TIA1: variants seen among roughly 807,000 people sequenced by gnomAD.
TIA1 encodes TIA1 cytotoxic granule associated RNA binding protein.
A neutral mutation model predicts 65.9 loss-of-function variants in TIA1; 23 were observed. The observed-to-expected ratio is 0.35, with a 90% CI of 0.25 to 0.49. TIA1 has a LOEUF of 0.49. TIA1 is among the 20% of genes least tolerant of loss of function. TIA1 has a pLI of 0.98. For synonymous variants in TIA1, 147 were observed against 149.4 expected, an observed-to-expected ratio of 0.98 and a Z score of 0.12; for missense variants, 371 against 477.9, an observed-to-expected ratio of 0.78 and a Z score of 2.09.
intron 1 of TIA1, among the ~76,000 whole-genome samples, chr2:70,247,074 G>C (rs1426928716): frequency 1.3e-5 from 2 of 152,158 alleles, no homozygotes; most frequent in African/African-American, 4.8e-5. Context: ...AGGCAAGAGG[G>C]AAGAGATTCC....
At chr2:70,234,840 G>T (rs1001297770) in intron 2 of TIA1, among the ~76,000 whole-genome samples, 2 of 152,026 alleles carry the variant, frequency 1.3e-5, no homozygotes, top group African/African-American at 4.8e-5. Context: ...GATTACAGGT[G>T]TGAGCCACTG....
chr2:70,240,920 A>C (rs1011463184), intron 1 of TIA1, among the ~76,000 whole-genome samples: 2 of 152,262 alleles, frequency 1.3e-5, no homozygotes, highest in East Asian at 3.9e-4. Flanking sequence ...CTGACAACCA[A>C]ATACAATCAA....
rs116314409 is a variant in TIA1, at chr2:70,226,280, C to T, written c.398+1455G>A. On this transcript the variant is annotated intron_variant, in intron 6 of 12. Transcript: ENST00000433529. ...TTGTAAATCATGAAATTGCTAAAAT[C>T]TGAAGGTCACTTAACTTAAACTCAC... Among the ~76,000 whole-genome samples the T allele has an allele frequency of 4.3e-3, 651 of 152,038 alleles. 4 individuals carry two copies. Among genetic ancestry groups the T allele is most frequent in the Non-Finnish European group, 7.3e-3 (493 of 67,928 alleles).
chr2:70,209,729 A>T lies in TIA1; in HGVS notation c.*2990T>A. 2.5e-6 allele frequency: 1 copy of T among 398,176 alleles called. No homozygotes were observed. The highest frequency in any genetic ancestry group is 4.4e-6 in the Non-Finnish European group (1 of 225,894). 24.7% of individuals were successfully genotyped at this position (398,176 alleles called of 1,614,324 possible). On this transcript the variant is annotated 3_prime_UTR_variant, in exon 13 of 13. Transcript: ENST00000433529. Reference sequence around the variant, plus strand: ...AACATTATTTGAGAGAAAAAAACTGATTTTTTTTAAAGAAATCATCACTCT... The same window carrying T: ...AACATTATTTGAGAGAAAAAAACTGTTTTTTTTTAAAGAAATCATCACTCT...
chr2:70,231,857 T>C (rs1183508705), intron 2 of TIA1, among the ~76,000 whole-genome samples: 4 of 152,218 alleles, frequency 2.6e-5, no homozygotes, highest in African/African-American at 9.6e-5. Context: ...GAATAAGTTT[T>C]AGAATGTGAA....
chr2:70,229,150 T>C, intron 4 of TIA1, 59 bp from the exon 5 acceptor site: 1 of 1,607,856 alleles, frequency 6.2e-7, no homozygotes, highest in East Asian at 2.2e-5. Flanking sequence ...TTCAATCATA[T>C]CTTAGGATAA....
chr2:70,247,269 T>C (rs889959220), intron 1 of TIA1, among the ~76,000 whole-genome samples: 1 of 152,134 alleles, frequency 6.6e-6, no homozygotes. Context: ...AGAAAACAAG[T>C]GTAACCACAT....
rs570116600 is a variant in TIA1, at chr2:70,228,733, AG to A, written c.310+325del. 3.5e-5 allele frequency: 34 copies of A among 985,432 alleles called. No homozygotes were observed. The East Asian group carries it at 3.4e-3, about 99-fold the overall frequency. The allele number at this position is 985,432 out of a possible 1,614,324, so 61.0% of individuals were successfully genotyped here. On this transcript the variant is annotated intron_variant, in intron 5 of 12. Transcript: ENST00000433529. The stretch of plus-strand genomic sequence containing the variant: ...ATTGCTCTTTGGGAAACAAAATTTG[AG>A]GAGCAACTCAAGCATTTGGAAGATC...
chr2:70,233,544 G>A (rs764263390), intron 2 of TIA1, among the ~76,000 whole-genome samples: 9 of 152,036 alleles, frequency 5.9e-5, no homozygotes, highest in African/African-American at 1.9e-4. Flanking sequence ...TGGGGTGGGC[G>A]GATCATGACA....
At chr2:70,217,840 T>TA (rs1407575091) in intron 7 of TIA1, among the ~76,000 whole-genome samples, 1 of 152,182 alleles carries the variant, frequency 6.6e-6, no homozygotes, top group Non-Finnish European at 1.5e-5. Flanking sequence ...TTGGGAACAT[T>TA]AATCATCTGA....
At chr2:70,237,219 T>C (rs1023753985) in intron 1 of TIA1, among the ~76,000 whole-genome samples, 1 of 151,518 alleles carries the variant, frequency 6.6e-6, no homozygotes, top group African/African-American at 2.4e-5. Context: ...CTGGTAAACA[T>C]GGTGAAACCC....
chr2:70,225,945 T>C (rs1272466471), intron 6 of TIA1, among the ~76,000 whole-genome samples: 1 of 152,128 alleles, frequency 6.6e-6, no homozygotes, highest in African/African-American at 2.4e-5. Flanking sequence ...GCACTGATAT[T>C]TGCACTTTTT....
chr2:70,223,198 T>A (rs1261222453), intron 7 of TIA1, among the ~76,000 whole-genome samples: 1 of 152,150 alleles, frequency 6.6e-6, no homozygotes, highest in African/African-American at 2.4e-5. Flanking sequence ...TATGAATCAA[T>A]CCTCTAAGGA....
In TIA1 at chr2:70,210,489, G is replaced by A. The variant is rs1676210341; in HGVS notation, c.*2230C>T. On this transcript the variant is annotated 3_prime_UTR_variant, in exon 13 of 13. Coordinates refer to ENST00000433529, the MANE Select transcript of TIA1 (RefSeq NM_022173.4). ...TTCAGTAGTAACCTTTTCATCATGAGTACTGATACCACTTTCTTCTCAGAA... is the reference window on the plus strand; with the variant it reads ...TTCAGTAGTAACCTTTTCATCATGAATACTGATACCACTTTCTTCTCAGAA... 6.6e-6 allele frequency: 1 copy of A among 152,160 alleles called. No individual in the cohort carries two copies. Among genetic ancestry groups the A allele is most frequent in the Non-Finnish European group, 1.5e-5 (1 of 68,018 alleles). 9.4% of individuals were successfully genotyped at this position (152,160 alleles called of 1,614,324 possible).
At chr2:70,219,446 A>G (rs1174336606) in intron 7 of TIA1, among the ~76,000 whole-genome samples, 1 of 152,206 alleles carries the variant, frequency 6.6e-6, no homozygotes, top group Non-Finnish European at 1.5e-5. Flanking sequence ...TACTGAAGGA[A>G]CAGGCAAATT....
chr2:70,215,407 G>C lies in TIA1; in HGVS notation c.852C>G (p.Gly284=), dbSNP rs1678146234. The change falls in exon 11 of 13, where the codon GGC becomes GGG. Residue 284 remains glycine (G), a synonymous_variant. Transcript: ENST00000433529. ...GATTTATCATATCAAGAGTTTCTTTGCCCCAATAGCATTTCACAACATGAC... is the reference window on the plus strand; with the variant it reads ...GATTTATCATATCAAGAGTTTCTTTCCCCCAATAGCATTTCACAACATGAC... ...IEGHVVKCYW[G]KETLDMINPV... The C allele has an allele frequency of 6.2e-7, 1 of 1,613,924 alleles. No individual in the cohort carries two copies.
Position 70,248,540 on chromosome 2 carries a change from A to C in TIA1, c.-110T>G. 6.5e-7 allele frequency: 1 copy of C among 1,533,350 alleles called. No homozygotes were observed. Among genetic ancestry groups the C allele is most frequent in the Non-Finnish European group, 8.9e-7 (1 of 1,127,266 alleles). The allele number at this position is 1,533,350 out of a possible 1,614,324, so 95.0% of individuals were successfully genotyped here. A position where few individuals can be genotyped will look rare whatever the true frequency, so the allele number is the denominator to read the frequency against. On this transcript the variant is annotated 5_prime_UTR_variant, in exon 1 of 13. Transcript: ENST00000433529. ...GGATAGTGGGGTTTCTCGGCTGACC[A>C]GAGGTTACTCCGCCTCCTCCTCCGG...
In TIA1 at chr2:70,212,776, G is replaced by A. The variant is rs1676814311; in HGVS notation, c.1104C>T (p.Gly368=). The A allele has an allele frequency of 1.2e-6, 2 of 1,614,086 alleles. No individual in the cohort carries two copies. The highest frequency in any genetic ancestry group is 1.7e-6 in the Non-Finnish European group (2 of 1,179,970). Reference sequence around the variant, plus strand: ...CAGAAGGCTGATTGGGCAACATGCTGCCATTTTGCCCTTGAGGCGGTTGCA... The same window carrying A: ...CAGAAGGCTGATTGGGCAACATGCTACCATTTTGCCCTTGAGGCGGTTGCA... The part of the protein sequence containing the change: ...YGVQPPQGQN[G]SMLPNQPSGY... The change falls in exon 13 of 13, where the codon GGC becomes GGT. Residue 368 remains glycine (G), a synonymous_variant. Transcript: ENST00000433529.
chr2:70,217,166 T>A, intron 7 of TIA1, 172 bp from the exon 8 acceptor site: 1 of 495,722 alleles, frequency 2.0e-6, no homozygotes, highest in Non-Finnish European at 3.2e-6. Flanking sequence ...TTTATATTTT[T>A]AAATTTTATT....
Sources: gnomAD v4.1 joint callset for allele counts (sites outside exome capture counted in the v4.1 genomes callset) on GRCh38, gnomAD v4.1.1 for gene constraint, MANE v1.5 for transcripts, NCBI Gene and HGNC (gene_info 2026-07-23, HGNC 2026-07-21) for gene names.